PDGFD: variants seen among roughly 807,000 people sequenced by gnomAD.
PDGFD encodes the protein platelet-derived growth factor D.
A neutral mutation model predicts 44.7 loss-of-function variants in PDGFD; 30 were observed. That is an observed-to-expected ratio of 0.67 (90% CI 0.50 to 0.91). The LOEUF is 0.91. Ranked by LOEUF, PDGFD falls within the 40% of genes least tolerant of loss-of-function variation. PDGFD has a pLI of 0.00. For missense variants in PDGFD, 445 were observed against 457.8 expected (o/e 0.97, Z 0.25); for synonymous variants, 173 against 168.4 (o/e 1.03, Z -0.21).
At chr11:104,131,142 T>C (rs1363189875) in intron 1 of PDGFD, among the ~76,000 whole-genome samples, 1 of 152,210 alleles carries the variant, frequency 6.6e-6, no homozygotes, top group Non-Finnish European at 1.5e-5. Context: ...ATTAGTTTTG[T>C]AAATATCAAA....
At chr11:104,093,325 CACAT>C (rs1861237381) in intron 1 of PDGFD, among the ~76,000 whole-genome samples, 1 of 152,066 alleles carries the variant, frequency 6.6e-6, no homozygotes, top group African/African-American at 2.4e-5. Flanking sequence ...CACACGCACA[CACAT>C]ACACACACAC....
intron 1 of PDGFD, among the ~76,000 whole-genome samples, chr11:104,023,146 A>G (rs1859989335): frequency 6.6e-6 from 1 of 152,164 alleles, no homozygotes; most frequent in Non-Finnish European, 1.5e-5. Context: ...AAAATCTGCT[A>G]TAACTATGAC....
At chr11:104,131,463 AC>A (rs1322069297) in intron 1 of PDGFD, among the ~76,000 whole-genome samples, 1 of 152,090 alleles carries the variant, frequency 6.6e-6, no homozygotes, top group Non-Finnish European at 1.5e-5. Flanking sequence ...AAATAAGCTA[AC>A]TTTTTATTTG....
intron 1 of PDGFD, among the ~76,000 whole-genome samples, chr11:104,128,842 T>A (rs1861876712): frequency 6.6e-6 from 1 of 152,150 alleles, no homozygotes; most frequent in Admixed American, 6.6e-5. Context: ...CACATAAAAA[T>A]GCCCAATAAA....
intron 3 of PDGFD, among the ~76,000 whole-genome samples, chr11:103,974,938 T>C (rs1414485270): frequency 6.6e-6 from 1 of 152,228 alleles, no homozygotes; most frequent in Non-Finnish European, 1.5e-5. Context: ...CTATTGTCCA[T>C]AGTGCTGAAA....
chr11:104,144,732 T>C (rs189761635), intron 1 of PDGFD, among the ~76,000 whole-genome samples: 54 of 152,280 alleles, frequency 3.5e-4, no homozygotes, highest in Admixed American at 1.0e-3. Context: ...CAGCAGATGA[T>C]AGATCAGAAA....
chr11:103,916,928 G>T (rs988024648), intron 6 of PDGFD, among the ~76,000 whole-genome samples: 2 of 152,132 alleles, frequency 1.3e-5, no homozygotes, highest in African/African-American at 4.8e-5. Flanking sequence ...CACACACCAG[G>T]TCCTGTTTGT....
At chr11:103,974,091 C>A (rs1859145442) in intron 3 of PDGFD, among the ~76,000 whole-genome samples, 1 of 151,886 alleles carries the variant, frequency 6.6e-6, no homozygotes, top group Non-Finnish European at 1.5e-5. Flanking sequence ...TTATGGTGGT[C>A]ATATCCAGAC....
At chr11:104,132,165 A>G (rs1292345215) in intron 1 of PDGFD, among the ~76,000 whole-genome samples, 1 of 152,008 alleles carries the variant, frequency 6.6e-6, no homozygotes, top group Non-Finnish European at 1.5e-5. Flanking sequence ...TTCCAAGGTC[A>G]GTTTCTCATT....
At chr11:104,092,006 C>T (rs777011187) in intron 1 of PDGFD, among the ~76,000 whole-genome samples, 16 of 152,124 alleles carry the variant, frequency 1.1e-4, no homozygotes, top group Non-Finnish European at 1.8e-4. Flanking sequence ...CATGATCCCA[C>T]GTAATTGTTA....
Position 104,160,838 on chromosome 11 carries a change from G to A in PDGFD, c.124+2966C>T, listed in dbSNP as rs1223510945. On this transcript the variant is annotated intron_variant, in intron 1 of 6. Coordinates refer to ENST00000393158, the MANE Select transcript of PDGFD (RefSeq NM_025208.5). ...GAGAGTTCCGGAAGGCCAGGACACAGCAGCAGATCAGCTTCTTATAATGGG... is the reference window on the plus strand; with the variant it reads ...GAGAGTTCCGGAAGGCCAGGACACAACAGCAGATCAGCTTCTTATAATGGG... 3.3e-5 allele frequency among the ~76,000 whole-genome samples: 5 copies of A among 152,262 alleles called. No homozygotes were observed. In the East Asian group the frequency reaches 9.7e-4, roughly 29 times the overall value.
intron 1 of PDGFD, among the ~76,000 whole-genome samples, chr11:104,111,823 C>A (rs369261309): frequency 1.3e-5 from 2 of 152,066 alleles, no homozygotes; most frequent in Non-Finnish European, 2.9e-5. Flanking sequence ...AAATTAAGCA[C>A]GGTTATAAGT....
chr11:104,035,640 T>C (rs146420689), intron 1 of PDGFD, among the ~76,000 whole-genome samples: 1,907 of 147,758 alleles, frequency 0.013, 36 homozygotes, highest in African/African-American at 0.045. Flanking sequence ...TAGATTCACA[T>C]ATGACTTCAT....
rs562688217 is a variant in PDGFD at position 104,029,123 on chromosome 11, T to C, written c.125-28868A>G. 7.9e-5 allele frequency among the ~76,000 whole-genome samples: 12 copies of C among 152,320 alleles called. No individual in the cohort carries two copies. In the East Asian group the frequency reaches 2.3e-3, roughly 29 times the overall value. On this transcript the variant is annotated intron_variant, in intron 1 of 6. Coordinates refer to ENST00000393158, the MANE Select transcript of PDGFD (RefSeq NM_025208.5). ...AGTGTAATGGAACAGAGCATGAGCA[T>C]GGGAGTGCCACATCTTTCAGAATAG... is the stretch of plus-strand genomic sequence containing the variant.
At chr11:104,066,534 C>A (rs1200254042) in intron 1 of PDGFD, among the ~76,000 whole-genome samples, 2 of 152,072 alleles carry the variant, frequency 1.3e-5, no homozygotes, top group Non-Finnish European at 2.9e-5. Context: ...GAGAAATATC[C>A]TTTTATACAG....
In PDGFD at chr11:103,922,440, C is replaced by A. The variant is rs567304224; in HGVS notation, c.987+4472G>T. ...TCACTCTGACCTTCCCCTCACCCTC[C>A]ATCCTGAAGGAAGTCATAAAACCTA... is the stretch of plus-strand genomic sequence containing the variant. On this transcript the variant is annotated intron_variant, in intron 6 of 6. Transcript: ENST00000393158. Among the ~76,000 whole-genome samples, 4 of 152,260 alleles carry A rather than the reference C, an allele frequency of 2.6e-5. No individual in the cohort carries two copies. In the South Asian group the frequency reaches 8.3e-4, roughly 32 times the overall value.
At chr11:104,102,693 G>C (rs1463965292) in intron 1 of PDGFD, among the ~76,000 whole-genome samples, 2 of 152,172 alleles carry the variant, frequency 1.3e-5, no homozygotes, top group Non-Finnish European at 2.9e-5. Context: ...GTCCATCAGT[G>C]ATAGACTGGA....
chr11:104,080,918 T>C (rs1342523048), intron 1 of PDGFD, among the ~76,000 whole-genome samples: 2 of 152,132 alleles, frequency 1.3e-5, no homozygotes, highest in African/African-American at 2.4e-5. Flanking sequence ...CTCCAGTCAA[T>C]AATCAGTACC....
chr11:104,048,050 A>T (rs188506304), intron 1 of PDGFD, among the ~76,000 whole-genome samples: 1 of 152,294 alleles, frequency 6.6e-6, no homozygotes, highest in East Asian at 1.9e-4. Flanking sequence ...AACTATAGAG[A>T]TTCCTGGATG....
Sources: allele counts gnomAD v4.1 joint callset (sites outside exome capture counted in the v4.1 genomes callset), GRCh38; gene constraint gnomAD v4.1.1; transcripts MANE v1.5; gene names NCBI Gene and HGNC (gene_info 2026-07-23, HGNC 2026-07-21).